The following ADGRL1 variants were observed in gnomAD, a reference collection of about 807,000 sequenced individuals.
The protein encoded by ADGRL1 is CIRL-1.
In ADGRL1, 31 loss-of-function variants were observed where a neutral mutation model predicts 148.9. The ratio of observed to expected loss-of-function variants is 0.21; its 90% CI spans 0.16 to 0.28. ADGRL1 has a LOEUF of 0.28. ADGRL1 is among the 10% of genes least tolerant of loss of function. ADGRL1 has a pLI of 1.00. For missense variants in ADGRL1, 1,521 were observed against 2,058.8 expected, an observed-to-expected ratio of 0.74 and a Z score of 5.05; for synonymous variants, 937 against 900.3, an observed-to-expected ratio of 1.04 and a Z score of -0.73.
At chr19:14,197,067 G>A (rs1046220834) in intron 1 of ADGRL1, among the ~76,000 whole-genome samples, 1 of 152,106 alleles carries the variant, frequency 6.6e-6, no homozygotes, top group Non-Finnish European at 1.5e-5. Flanking sequence ...GTGTCCAGGA[G>A]TTTGAGACCA....
rs369164762 is a variant in ADGRL1, at chr19:14,152,281, A to G, written c.3649+28T>C. ...TGGGACACAAACCCTCCATTTCCCA[A>G]CCTGGGATGTTTCCCCCGTGCTCTC... On this transcript the variant is annotated intron_variant, in intron 21 of 22. Coordinates refer to ENST00000361434, the MANE Select transcript of ADGRL1 (RefSeq NM_014921.5). The surrounding 1 kb of genome is among the most constrained non-coding windows in gnomAD (Gnocchi z 6.1). 35 of 1,606,826 alleles carry G rather than the reference A, an allele frequency of 2.2e-5. No individual in the cohort carries two copies. The African/African-American group carries it at 3.7e-4, about 17-fold the overall frequency.
At chr19:14,200,323 C>T (rs1201116668) in intron 1 of ADGRL1, among the ~76,000 whole-genome samples, 2 of 152,192 alleles carry the variant, frequency 1.3e-5, no homozygotes, top group Non-Finnish European at 2.9e-5. Context: ...CAGGACTCGC[C>T]TTGTACTTTA....
intron 3 of ADGRL1, among the ~76,000 whole-genome samples, chr19:14,175,540 C>T (rs1362518317): frequency 6.6e-6 from 1 of 151,546 alleles, no homozygotes; most frequent in Non-Finnish European, 1.5e-5. Context: ...ACATATTCAC[C>T]CACAAACACC....
chr19:14,172,498 G>T (rs1354717408), intron 3 of ADGRL1, among the ~76,000 whole-genome samples: 1 of 152,064 alleles, frequency 6.6e-6, no homozygotes, highest in South Asian at 2.1e-4. Flanking sequence ...CCAGAACTTT[G>T]GGAGGCCGTG....
intron 1 of ADGRL1, among the ~76,000 whole-genome samples, chr19:14,195,185 C>A (rs1022576105): frequency 6.6e-6 from 1 of 152,096 alleles, no homozygotes; most frequent in Non-Finnish European, 1.5e-5. Context: ...ATCCATTGCA[C>A]CCAGCCATAG....
At chr19:14,193,478 T>C (rs1972077110) in intron 1 of ADGRL1, among the ~76,000 whole-genome samples, 1 of 151,922 alleles carries the variant, frequency 6.6e-6, no homozygotes. Context: ...TCCCAGCTAC[T>C]GGGAAGGCTG....
chr19:14,158,237 T>G, intron 12 of ADGRL1, 101 bp downstream of exon 12: 1 of 1,331,876 alleles, frequency 7.5e-7, no homozygotes, highest in Non-Finnish European at 1.1e-6. Flanking sequence ...GAAGAACCCA[T>G]AACTTGTTCT....
intron 1 of ADGRL1, among the ~76,000 whole-genome samples, chr19:14,199,803 G>A (rs1972485832): frequency 1.3e-5 from 2 of 151,554 alleles, no homozygotes; most frequent in African/African-American, 4.9e-5. Flanking sequence ...GCGTGATCTT[G>A]GCTCACTGCA....
chr19:14,178,892 G>A (rs1002778333), intron 2 of ADGRL1, among the ~76,000 whole-genome samples: 7 of 152,038 alleles, frequency 4.6e-5, no homozygotes, highest in Non-Finnish European at 8.8e-5. Flanking sequence ...CTATCTATAA[G>A]CCAAGGAGAG....
At chr19:14,151,998 G>T in intron 22 of ADGRL1, 135 bp downstream of exon 22, 1 of 822,818 alleles carries the variant, frequency 1.2e-6, no homozygotes, top group South Asian at 1.4e-5. Flanking sequence ...GCCAGAGGCT[G>T]TGTGTCGGGG....
chr19:14,184,045 G>A (rs1021127573), intron 1 of ADGRL1, among the ~76,000 whole-genome samples: 10 of 152,082 alleles, frequency 6.6e-5, no homozygotes, highest in African/African-American at 1.4e-4. Flanking sequence ...TCCCCTACTC[G>A]CATCCTCACC....
intron 1 of ADGRL1, among the ~76,000 whole-genome samples, chr19:14,189,824 A>G (rs1325343359): frequency 2.0e-5 from 3 of 152,250 alleles, no homozygotes; most frequent in Non-Finnish European, 4.4e-5. Flanking sequence ...TACCACAACC[A>G]AGCTAACAAC....
chr19:14,165,458 G>T (rs1445284237), intron 4 of ADGRL1, among the ~76,000 whole-genome samples: 2 of 152,162 alleles, frequency 1.3e-5, no homozygotes, highest in Non-Finnish European at 1.5e-5. Flanking sequence ...GAAAAATGTG[G>T]TTAGAGGTCA....
chr19:14,169,822 G>A (rs1970318925), intron 4 of ADGRL1: 1 of 152,412 alleles, frequency 6.6e-6, no homozygotes, highest in African/African-American at 2.4e-5. Context: ...TAATGGGAAG[G>A]AGGGAGGGAG....
In ADGRL1 at chr19:14,176,666, G is replaced by A. The variant is rs531364286; in HGVS notation, c.284+865C>T. ...AGCCTGGGCAACATAGCAAGACCCT[G>A]CCTCTACAAAAAATAAAATAAAATT... On this transcript the variant is annotated intron_variant, in intron 3 of 22. Coordinates refer to ENST00000361434, the MANE Select transcript of ADGRL1 (RefSeq NM_014921.5). Among the ~76,000 whole-genome samples the A allele has an allele frequency of 3.9e-5, 6 of 151,990 alleles. No homozygotes were observed. In the East Asian group the frequency reaches 7.8e-4, roughly 20 times the overall value.
chr19:14,183,539 T>G lies in ADGRL1; in HGVS notation c.64A>C (p.Thr22Pro), dbSNP rs1971367924. 6.3e-7 allele frequency: 1 copy of G among 1,575,262 alleles called. No individual in the cohort carries two copies. The highest frequency in any genetic ancestry group is 1.4e-5 in the African/African-American group (1 of 73,960). The change falls in exon 2 of 23, where the codon ACC (threonine) becomes CCC (proline). Residue 22 changes from threonine (T) to proline (P), a missense_variant. By Grantham distance (38) the Thr-to-Pro change is conservative. Transcript: ENST00000361434. ...CGGCCCCAGCAGCACCTACCTTGGG[T>G]GGCCGAGGTGACCAGGACGGCGGTG... ...CVTAVLVTSA[T>P]QGLSRAGLPF...
Position 14,162,553 on chromosome 19 carries a change from G to T in ADGRL1, c.1195+53C>A. On this transcript the variant is annotated intron_variant, in intron 5 of 22. Coordinates refer to ENST00000361434, the MANE Select transcript of ADGRL1 (RefSeq NM_014921.5). This position sits in a 1 kb window ranked among gnomAD's most constrained non-coding sequence, Gnocchi z 5.4. ...CTCTGGGACCCAGGGGTGGGTGGGG[G>T]TGGAGGGGACAAAGGCAAGCAGGCT... The T allele has an allele frequency of 6.6e-7, 1 of 1,518,056 alleles. No individual in the cohort carries two copies. The highest frequency in any genetic ancestry group is 9.0e-7 in the Non-Finnish European group (1 of 1,114,760). The allele number at this position is 1,518,056 out of a possible 1,614,324, so 94.0% of individuals were successfully genotyped here.
intron 4 of ADGRL1, among the ~76,000 whole-genome samples, chr19:14,164,405 G>A (rs890984673): frequency 2.0e-5 from 3 of 152,088 alleles, no homozygotes; most frequent in East Asian, 1.9e-4. Flanking sequence ...GGGAGGCTGC[G>A]CTGCAAACCA....
chr19:14,199,327 G>A (rs1485333692), intron 1 of ADGRL1, among the ~76,000 whole-genome samples: 1 of 152,088 alleles, frequency 6.6e-6, no homozygotes. Flanking sequence ...CTGAGGGGCT[G>A]GGTACAAAAA....
Sources: gnomAD v4.1 joint callset for allele counts (sites outside exome capture counted in the v4.1 genomes callset) on GRCh38, gnomAD v4.1.1 for gene constraint, Gnocchi (gnomAD v3.1) non-coding constraint, MANE v1.5 for transcripts, NCBI Gene and HGNC (gene_info 2026-07-23, HGNC 2026-07-21) for gene names.